Variants in IRAG1 observed in about 807,000 individuals in gnomAD.
The protein encoded by IRAG1 is IP3R-associated cGMP kinase substrate.
In IRAG1, 62 loss-of-function variants were observed where a neutral mutation model predicts 106.2. That is an observed-to-expected ratio of 0.58 (90% CI 0.48 to 0.72). The LOEUF is 0.72. IRAG1 is among the 30% of genes least tolerant of loss of function. The pLI, the probability that IRAG1 is intolerant of heterozygous loss-of-function variation, is 0.00. For missense variants in IRAG1, 1,064 were observed against 1,140.7 expected (o/e 0.93, Z 0.97); for synonymous variants, 462 against 443.9 (o/e 1.04, Z -0.51).
At chr11:10,610,127 A>G (rs534626439) in intron 10 of IRAG1, among the ~76,000 whole-genome samples, 18 of 152,324 alleles carry the variant, frequency 1.2e-4, no homozygotes, top group African/African-American at 3.9e-4. Flanking sequence ...TTCAAATGTT[A>G]TGTTCTTCCC....
chr11:10,659,546 C>A lies in IRAG1; in HGVS notation c.68-7364G>T. 6.6e-6 allele frequency among the ~76,000 whole-genome samples: 1 copy of A among 152,198 alleles called. No homozygotes were observed. Among genetic ancestry groups the A allele is most frequent in the Non-Finnish European group, 1.5e-5 (1 of 68,020 alleles). Reference sequence around the variant, plus strand: ...ACCTCTGTGGGAAACCTTCTTAGGGCCCGATTTTCTCCAGCCCTGCTCTCC... The same window carrying A: ...ACCTCTGTGGGAAACCTTCTTAGGGACCGATTTTCTCCAGCCCTGCTCTCC... On this transcript the variant is annotated intron_variant, in intron 1 of 20. Coordinates refer to ENST00000423302, the MANE Select transcript of IRAG1 (RefSeq NM_130385.4). The surrounding 1 kb of genome is among the most constrained non-coding windows in gnomAD (Gnocchi z 4.1).
rs867889150 is a variant in IRAG1, at chr11:10,680,340, G to A, written c.67+13196C>T. 8.0e-3 allele frequency among the ~76,000 whole-genome samples: 547 copies of A among 68,616 alleles called. 7 individuals carry two copies. The highest frequency in any genetic ancestry group is 0.034 in the African/African-American group (503 of 14,918). 45.0% of individuals were successfully genotyped at this position (68,616 alleles called of 152,430 possible). A position where few individuals can be genotyped will look rare whatever the true frequency, so the allele number is the denominator to read the frequency against. The stretch of plus-strand genomic sequence containing the variant: ...AGGGAGGGGGGAAGGAAGGAAGGAA[G>A]GAAGGAAAGAAAGAAAGAAAGAAAG... On this transcript the variant is annotated intron_variant, in intron 1 of 20. Transcript: ENST00000423302.
intron 3 of IRAG1, among the ~76,000 whole-genome samples, chr11:10,633,477 C>T (rs998986536): frequency 2.6e-5 from 4 of 152,190 alleles, no homozygotes; most frequent in African/African-American, 4.8e-5. Flanking sequence ...CATTCCTCTA[C>T]CTGTGAGCCC....
intron 1 of IRAG1, among the ~76,000 whole-genome samples, chr11:10,667,298 TG>T (rs1859861844): frequency 6.6e-6 from 1 of 152,120 alleles, no homozygotes; most frequent in Admixed American, 6.5e-5. Context: ...TGGCAGAGTT[TG>T]GGAAAAGCAA....
At chr11:10,682,875 C>A (rs1418197189) in intron 1 of IRAG1, among the ~76,000 whole-genome samples, 1 of 152,142 alleles carries the variant, frequency 6.6e-6, no homozygotes, top group Non-Finnish European at 1.5e-5. Flanking sequence ...GTCCCCTGGC[C>A]ATGACTGATT....
chr11:10,634,753 T>TTTTG (rs1554927053), intron 2 of IRAG1, among the ~76,000 whole-genome samples: 11 of 144,936 alleles, frequency 7.6e-5, no homozygotes, highest in African/African-American at 2.6e-4. Flanking sequence ...AATAATATTC[T>TTTTG]TGTGTGTGTG....
At chr11:10,577,914 G>A (rs1337122694) in intron 20 of IRAG1, among the ~76,000 whole-genome samples, 2 of 152,208 alleles carry the variant, frequency 1.3e-5, no homozygotes, top group African/African-American at 2.4e-5. Context: ...CAACTGTTGG[G>A]AAGGCAGGGT....
chr11:10,596,713 A>G (rs909044125), intron 15 of IRAG1, among the ~76,000 whole-genome samples: 1 of 152,212 alleles, frequency 6.6e-6, no homozygotes. Flanking sequence ...TGAACTATAC[A>G]TTGGGTAACT....
intron 1 of IRAG1, chr11:10,690,514 A>C (rs1861977553): frequency 1.7e-6 from 2 of 1,181,470 alleles, no homozygotes; most frequent in Non-Finnish European, 2.1e-6. Flanking sequence ...TTGAAGGCCC[A>C]TTTGTGAGGC....
chr11:10,591,309 A>C (rs1852642424), intron 18 of IRAG1, among the ~76,000 whole-genome samples: 1 of 152,234 alleles, frequency 6.6e-6, no homozygotes, highest in Admixed American at 6.5e-5. Flanking sequence ...AGAAGGCTCC[A>C]GCCTTCTCTG....
intron 10 of IRAG1, among the ~76,000 whole-genome samples, chr11:10,622,302 G>A (rs565906280): frequency 6.6e-6 from 1 of 152,210 alleles, no homozygotes; most frequent in Non-Finnish European, 1.5e-5. Flanking sequence ...GATGCCGCGG[G>A]GACAGAGGCA....
chr11:10,658,457 C>G (rs759363767), intron 1 of IRAG1: 1 of 152,896 alleles, frequency 6.5e-6, no homozygotes, highest in Non-Finnish European at 1.5e-5. Context: ...ACTCAGTGCC[C>G]TCGCCATTCT....
chr11:10,655,509 T>G (rs933303621), intron 1 of IRAG1, among the ~76,000 whole-genome samples: 2 of 152,188 alleles, frequency 1.3e-5, no homozygotes, highest in Non-Finnish European at 2.9e-5. Context: ...CTTCTAGTGG[T>G]TGGAACCACC....
At chr11:10,682,569 C>T (rs1861345003) in intron 1 of IRAG1, among the ~76,000 whole-genome samples, 1 of 152,020 alleles carries the variant, frequency 6.6e-6, no homozygotes, top group African/African-American at 2.4e-5. Context: ...ATGGAGATAA[C>T]TGCAAGGAAA....
chr11:10,647,283 C>G lies in IRAG1; in HGVS notation c.225+4742G>C, dbSNP rs1470712687. Among the ~76,000 whole-genome samples the G allele has an allele frequency of 6.6e-6, 1 of 152,198 alleles. No individual in the cohort carries two copies. The highest frequency in any genetic ancestry group is 2.4e-5 in the African/African-American group (1 of 41,444). The stretch of plus-strand genomic sequence containing the variant: ...GCCTGCCACTTATGAGCTGTATGAC[C>G]TTGGAGGAAGGTAGTTAATTTCTTT... On this transcript the variant is annotated intron_variant, in intron 2 of 20. Coordinates refer to ENST00000423302, the MANE Select transcript of IRAG1 (RefSeq NM_130385.4). This position sits in a 1 kb window ranked among gnomAD's most constrained non-coding sequence, Gnocchi z 4.3.
chr11:10,629,921 C>G lies in IRAG1; in HGVS notation c.401-210G>C, dbSNP rs530154639. On this transcript the variant is annotated intron_variant, in intron 4 of 20. Transcript: ENST00000423302. ...CTATGGCTTATGGCCTGTGGTCCTC[C>G]GTCACAAATGGTCCTGGAGCCATCT... 3 of 548,394 alleles carry G rather than the reference C, an allele frequency of 5.5e-6. No homozygotes were observed. In the African/African-American group the frequency reaches 5.7e-5, roughly 10 times the overall value. 34.0% of individuals were successfully genotyped at this position (548,394 alleles called of 1,614,324 possible). A position where few individuals can be genotyped will look rare whatever the true frequency, so the allele number is the denominator to read the frequency against.
Position 10,628,240 on chromosome 11 carries a change from T to C in IRAG1, c.653-215A>G. 2.9e-6 allele frequency: 2 copies of C among 678,668 alleles called. No homozygotes were observed. Among genetic ancestry groups the C allele is most frequent in the South Asian group, 3.3e-5 (2 of 61,160 alleles). 42.0% of individuals were successfully genotyped at this position (678,668 alleles called of 1,614,324 possible). A position where few individuals can be genotyped will look rare whatever the true frequency, so the allele number is the denominator to read the frequency against. ...ACTGAGGCACAGGGAAATCAAAGTCTCATGGCCAGGAAATGTCAGCACTGA... is the reference window on the plus strand; with the variant it reads ...ACTGAGGCACAGGGAAATCAAAGTCCCATGGCCAGGAAATGTCAGCACTGA... On this transcript the variant is annotated intron_variant, in intron 6 of 20. Transcript: ENST00000423302. The surrounding 1 kb of genome is among the most constrained non-coding windows in gnomAD (Gnocchi z 4.1).
At position 10,678,436 on chromosome 11, in the gene IRAG1, C is replaced by T. The variant is rs190101674; in HGVS notation, c.67+15100G>A. On this transcript the variant is annotated intron_variant, in intron 1 of 20. Transcript: ENST00000423302. ...TTTCCTTTGTCTAAGCTATTTCAGA[C>T]ATATTATTTAATTTATTCCTCACAG... is the stretch of plus-strand genomic sequence containing the variant. Among the ~76,000 whole-genome samples the T allele has an allele frequency of 2.5e-4, 38 of 152,222 alleles. 1 individual carries two copies. The highest frequency in any genetic ancestry group is 8.7e-4 in the African/African-American group (36 of 41,538).
At chr11:10,606,029 A>T (rs1301839007) in intron 12 of IRAG1, among the ~76,000 whole-genome samples, 1 of 152,216 alleles carries the variant, frequency 6.6e-6, no homozygotes, top group Non-Finnish European at 1.5e-5. Flanking sequence ...GGTTAGGATC[A>T]GCTGAAAGGA....
Sources: gnomAD v4.1 joint callset for allele counts (sites outside exome capture counted in the v4.1 genomes callset) on GRCh38, gnomAD v4.1.1 for gene constraint, Gnocchi (gnomAD v3.1) non-coding constraint, MANE v1.5 for transcripts, NCBI Gene and HGNC (gene_info 2026-07-23, HGNC 2026-07-21) for gene names.